The following HS6ST3 variants were observed in gnomAD, a reference collection of about 807,000 sequenced individuals.
The protein encoded by HS6ST3 is heparan sulfate 6-O-sulfotransferase 3.
In HS6ST3, 12 loss-of-function variants were observed where a neutral mutation model predicts 36.7. The observed-to-expected ratio is 0.33, with a 90% CI of 0.21 to 0.53. The LOEUF is 0.53. HS6ST3 is among the 20% of genes least tolerant of loss of function. The pLI, the probability that HS6ST3 is intolerant of heterozygous loss-of-function variation, is 0.95. For synonymous variants in HS6ST3, 240 were observed against 257.5 expected (o/e 0.93, Z 0.65); for missense variants, 584 against 640.9 (o/e 0.91, Z 0.96).
intron 1 of HS6ST3, among the ~76,000 whole-genome samples, chr13:96,580,919 GAAGT>G (rs1436663831): frequency 7.9e-5 from 12 of 151,972 alleles, no homozygotes; most frequent in Middle Eastern, 6.8e-3. Flanking sequence ...AATTTCATAA[GAAGT>G]AAGAAAAAAA....
intron 1 of HS6ST3, among the ~76,000 whole-genome samples, chr13:96,566,966 T>G (rs1235518190): frequency 1.3e-5 from 2 of 152,116 alleles, no homozygotes; most frequent in African/African-American, 4.8e-5. Context: ...CATCAAAGCG[T>G]TCTCTAATTT....
chr13:96,569,580 A>G (rs1480093259), intron 1 of HS6ST3, among the ~76,000 whole-genome samples: 1 of 152,228 alleles, frequency 6.6e-6, no homozygotes, highest in Non-Finnish European at 1.5e-5. Context: ...AAAAGAAAAA[A>G]ACTGACTTGC....
intron 1 of HS6ST3, among the ~76,000 whole-genome samples, chr13:96,543,282 T>C (rs1285890759): frequency 6.6e-6 from 1 of 152,142 alleles, no homozygotes; most frequent in Non-Finnish European, 1.5e-5. Flanking sequence ...TGGGTCAAGG[T>C]TTCCCTGTCA....
intron 1 of HS6ST3, among the ~76,000 whole-genome samples, chr13:96,686,313 A>C (rs1028760905): frequency 6.6e-6 from 1 of 152,060 alleles, no homozygotes; most frequent in African/African-American, 2.4e-5. Flanking sequence ...GTTATTCCAC[A>C]GCAATGTATT....
At chr13:96,235,738 C>T (rs1052074246) in intron 1 of HS6ST3, among the ~76,000 whole-genome samples, 13 of 152,088 alleles carry the variant, frequency 8.5e-5, no homozygotes, top group Admixed American at 4.6e-4. Flanking sequence ...CATCCCTCTT[C>T]GTTAATTGAA....
chr13:96,743,851 T>C (rs1180620203), intron 1 of HS6ST3, among the ~76,000 whole-genome samples: 1 of 152,050 alleles, frequency 6.6e-6, no homozygotes, highest in Non-Finnish European at 1.5e-5. Flanking sequence ...TTCCTGGCTA[T>C]GATTTATTGG....
At chr13:96,774,791 A>G (rs1218472729) in intron 1 of HS6ST3, among the ~76,000 whole-genome samples, 1 of 152,226 alleles carries the variant, frequency 6.6e-6, no homozygotes, top group Non-Finnish European at 1.5e-5. Flanking sequence ...TCCCCAACCT[A>G]GAAAGACAGG....
intron 1 of HS6ST3, among the ~76,000 whole-genome samples, chr13:96,666,954 C>T (rs1313017989): frequency 1.3e-5 from 2 of 151,912 alleles, no homozygotes; most frequent in African/African-American, 4.8e-5. Context: ...AGTAAATTTG[C>T]CCATTTTTTA....
rs140390824 is a variant in HS6ST3, at chr13:96,553,201, C to A, written c.708-279289C>A. 3.5e-3 allele frequency among the ~76,000 whole-genome samples: 532 copies of A among 152,278 alleles called. 1 individual carries two copies. Among genetic ancestry groups the A allele is most frequent in the African/African-American group, 0.012 (510 of 41,546 alleles). On this transcript the variant is annotated intron_variant, in intron 1 of 1. Transcript: ENST00000376705. The stretch of plus-strand genomic sequence containing the variant: ...TACATTGTGGTCCTTCTATTCCTGG[C>A]TTATAGCCCCTTCCTAGGGATTCAA...
intron 1 of HS6ST3, among the ~76,000 whole-genome samples, chr13:96,699,792 A>G (rs1359283233): frequency 1.3e-5 from 2 of 152,222 alleles, no homozygotes; most frequent in African/African-American, 4.8e-5. Flanking sequence ...ACACATGCAC[A>G]CATATGTTTA....
chr13:96,810,789 T>G (rs765495474), intron 1 of HS6ST3, among the ~76,000 whole-genome samples: 13 of 152,202 alleles, frequency 8.5e-5, no homozygotes, highest in Non-Finnish European at 1.5e-4. Context: ...GGGGATCTAC[T>G]TTGCCTTTGC....
At chr13:96,248,369 C>T (rs1843738751) in intron 1 of HS6ST3, among the ~76,000 whole-genome samples, 1 of 152,158 alleles carries the variant, frequency 6.6e-6, no homozygotes. Flanking sequence ...CAGTTCACTT[C>T]TGCCAAGAGC....
At chr13:96,703,056 G>C (rs1356953195) in intron 1 of HS6ST3, among the ~76,000 whole-genome samples, 1 of 152,176 alleles carries the variant, frequency 6.6e-6, no homozygotes, top group Non-Finnish European at 1.5e-5. Context: ...CCAAGGCCAG[G>C]CTTCTTGCAG....
chr13:96,306,171 T>C (rs1246632691), intron 1 of HS6ST3, among the ~76,000 whole-genome samples: 2 of 149,816 alleles, frequency 1.3e-5, no homozygotes, highest in African/African-American at 4.9e-5. Context: ...TGGCGTGATC[T>C]CAACTCACTG....
intron 1 of HS6ST3, among the ~76,000 whole-genome samples, chr13:96,647,457 T>A (rs902886745): frequency 2.0e-5 from 3 of 151,988 alleles, no homozygotes; most frequent in Non-Finnish European, 4.4e-5. Context: ...CTAATGCCCT[T>A]TTTTTCAGTA....
At chr13:96,523,315 C>G (rs1250715681) in intron 1 of HS6ST3, among the ~76,000 whole-genome samples, 7 of 152,148 alleles carry the variant, frequency 4.6e-5, no homozygotes, top group Non-Finnish European at 1.0e-4. Flanking sequence ...CTCATTTCAA[C>G]CTTGGCAAAT....
rs186247478 is a variant in HS6ST3 at position 96,343,253 on chromosome 13, G to A, written c.707+251684G>A. ...AAACAAAACAGATGCATTATCTATC[G>A]GTCAGAAGTCCAACACTTGCCTCAC... On this transcript the variant is annotated intron_variant, in intron 1 of 1. Coordinates refer to ENST00000376705, the MANE Select transcript of HS6ST3 (RefSeq NM_153456.4). Among the ~76,000 whole-genome samples the A allele has an allele frequency of 5.9e-5, 9 of 152,238 alleles. No homozygotes were observed. In the East Asian group the frequency reaches 1.5e-3, roughly 26 times the overall value.
chr13:96,480,473 CAT>C (rs908670712), intron 1 of HS6ST3, among the ~76,000 whole-genome samples: 3 of 151,962 alleles, frequency 2.0e-5, no homozygotes, highest in Non-Finnish European at 4.4e-5. Context: ...TGCGTGTGTG[CAT>C]GTGTGTGTGT....
chr13:96,726,220 G>A (rs949016833), intron 1 of HS6ST3, among the ~76,000 whole-genome samples: 3 of 152,122 alleles, frequency 2.0e-5, no homozygotes, highest in African/African-American at 7.2e-5. Context: ...TAGATCTATA[G>A]CATTTCCATA....
Sources: allele counts gnomAD v4.1 joint callset (sites outside exome capture counted in the v4.1 genomes callset), GRCh38; gene constraint gnomAD v4.1.1; transcripts MANE v1.5; gene names NCBI Gene and HGNC (gene_info 2026-07-23, HGNC 2026-07-21).